PRUNE2: variants seen among roughly 807,000 people sequenced by gnomAD.
PRUNE2 encodes prune homolog 2 with BCH domain.
In PRUNE2, 164 loss-of-function variants were observed where a neutral mutation model predicts 252.0. The observed-to-expected ratio is 0.65, with a 90% CI of 0.57 to 0.74. The LOEUF is 0.74. PRUNE2 is among the 30% of genes least tolerant of loss of function. The pLI, the probability that PRUNE2 is intolerant of heterozygous loss-of-function variation, is 0.00. For synonymous variants in PRUNE2, 1,292 were observed against 1,350.2 expected (o/e 0.96, Z 0.94); for missense variants, 3,495 against 3,711.0 (o/e 0.94, Z 1.51).
At chr9:76,629,484 T>C (rs1353835145) in intron 15 of PRUNE2, among the ~76,000 whole-genome samples, 194 bp from the exon 16 acceptor site, 1 of 152,170 alleles carries the variant, frequency 6.6e-6, no homozygotes, top group Non-Finnish European at 1.5e-5. Flanking sequence ...TTTTATTCTG[T>C]TTTTAAAATT....
intron 9 of PRUNE2, among the ~76,000 whole-genome samples, chr9:76,694,706 T>G (rs1053442359): frequency 4.9e-4 from 74 of 152,308 alleles, no homozygotes; most frequent in African/African-American, 1.7e-3. Flanking sequence ...TAACTCAGAG[T>G]ATGCTGGGCA....
intron 15 of PRUNE2, among the ~76,000 whole-genome samples, chr9:76,630,962 A>G (rs1284613982): frequency 6.6e-6 from 1 of 152,234 alleles, no homozygotes; most frequent in East Asian, 1.9e-4. Context: ...CATCTGTATT[A>G]CCTTGTGTTC....
intron 6 of PRUNE2, among the ~76,000 whole-genome samples, chr9:76,745,509 T>A (rs1453300301): frequency 6.6e-6 from 1 of 151,770 alleles, no homozygotes; most frequent in Admixed American, 6.6e-5. Context: ...CAACCACTCC[T>A]GTGGCCCCAC....
At chr9:76,618,864 G>A (rs1475246558) in intron 18 of PRUNE2, among the ~76,000 whole-genome samples, 1 of 152,182 alleles carries the variant, frequency 6.6e-6, no homozygotes, top group African/African-American at 2.4e-5. Flanking sequence ...TCCAATTTCT[G>A]CTTCTCACAG....
At chr9:76,778,087 G>A (rs994706637) in intron 6 of PRUNE2, among the ~76,000 whole-genome samples, 4 of 152,164 alleles carry the variant, frequency 2.6e-5, no homozygotes, top group African/African-American at 9.7e-5. Flanking sequence ...TTATTCTAAG[G>A]AGCTTTTAAA....
At chr9:76,670,709 A>ACGGG (rs1477788317) in intron 9 of PRUNE2, among the ~76,000 whole-genome samples, 3 of 151,932 alleles carry the variant, frequency 2.0e-5, no homozygotes, top group Non-Finnish European at 4.4e-5. Flanking sequence ...AGATCTGAGA[A>ACGGG]CAGGCAGACT....
At chr9:76,901,842 C>T (rs562245008) in intron 1 of PRUNE2, among the ~76,000 whole-genome samples, 1 of 152,338 alleles carries the variant, frequency 6.6e-6, no homozygotes, top group Non-Finnish European at 1.5e-5. Flanking sequence ...GATGCATCCC[C>T]TGGACTGCAG....
At chr9:76,680,987 T>G (rs947507189) in intron 9 of PRUNE2, among the ~76,000 whole-genome samples, 1 of 152,092 alleles carries the variant, frequency 6.6e-6, no homozygotes, top group African/African-American at 2.4e-5. Context: ...GAGATTATAA[T>G]TCAAGATGAG....
intron 3 of PRUNE2, among the ~76,000 whole-genome samples, chr9:76,848,470 C>A (rs1174814634): frequency 6.6e-6 from 1 of 152,112 alleles, no homozygotes; most frequent in Non-Finnish European, 1.5e-5. Context: ...TTTCAAAACT[C>A]CTCATAAGTA....
At chr9:76,738,229 C>T (rs552561680) in intron 6 of PRUNE2, 2 of 152,158 alleles carry the variant, frequency 1.3e-5, no homozygotes, top group Non-Finnish European at 2.9e-5. Flanking sequence ...TAAACATTAG[C>T]GAGCAACCGA....
chr9:76,886,621 C>G (rs529981499), intron 1 of PRUNE2, among the ~76,000 whole-genome samples: 7 of 152,176 alleles, frequency 4.6e-5, no homozygotes, highest in Non-Finnish European at 1.0e-4. Context: ...AAACAAGCCC[C>G]AAATGCACTG....
intron 9 of PRUNE2, among the ~76,000 whole-genome samples, chr9:76,658,302 G>A (rs998256928): frequency 6.6e-5 from 10 of 152,284 alleles, no homozygotes; most frequent in Admixed American, 4.6e-4. Context: ...AGGTTGTGGT[G>A]AGCTGAGATG....
chr9:76,821,532 G>C (rs1216065775), intron 6 of PRUNE2, among the ~76,000 whole-genome samples: 1 of 152,100 alleles, frequency 6.6e-6, no homozygotes, highest in African/African-American at 2.4e-5. Flanking sequence ...GGAAGATACA[G>C]GATGTTACTA....
intron 4 of PRUNE2, among the ~76,000 whole-genome samples, chr9:76,835,526 A>G (rs116191919): frequency 1.3e-5 from 2 of 152,212 alleles, no homozygotes; most frequent in Non-Finnish European, 2.9e-5. Flanking sequence ...AAGAATAAAG[A>G]TTATCTTTGT....
chr9:76,789,859 A>G (rs1042402395), intron 6 of PRUNE2, among the ~76,000 whole-genome samples: 4 of 152,122 alleles, frequency 2.6e-5, no homozygotes, highest in African/African-American at 9.7e-5. Context: ...GATGCATCAG[A>G]TATGGAGGGG....
At chr9:76,805,464 T>C (rs556341856) in intron 6 of PRUNE2, among the ~76,000 whole-genome samples, 1 of 151,716 alleles carries the variant, frequency 6.6e-6, no homozygotes, top group South Asian at 2.1e-4. Context: ...CTACAAATAA[T>C]TTTTTTTTAA....
chr9:76,694,836 G>A (rs1033634292), intron 9 of PRUNE2, among the ~76,000 whole-genome samples: 4 of 151,892 alleles, frequency 2.6e-5, no homozygotes, highest in Non-Finnish European at 4.4e-5. Flanking sequence ...AAAAGGGCAC[G>A]TAGATGTCAA....
rs1292804824 is a variant in PRUNE2, at chr9:76,707,586, T to G, written c.4688A>C (p.Gln1563Pro). The G allele has an allele frequency of 1.2e-6, 2 of 1,613,822 alleles. No homozygotes were observed. Among genetic ancestry groups the G allele is most frequent in the Non-Finnish European group, 1.7e-6 (2 of 1,179,890 alleles). ...SSVALSSWGQ[Q>P]PSSGYQEENQ... Reference sequence around the variant, plus strand: ...TTCTTCTTGATACCCAGAACTGGGTTGCTGGCCCCAGGAGGACAGTGCAAC... The same window carrying G: ...TTCTTCTTGATACCCAGAACTGGGTGGCTGGCCCCAGGAGGACAGTGCAAC... Residue 1563 changes from glutamine to proline, a missense_variant, in exon 8 of 19, where the codon CAA becomes CCA. By Grantham distance (76) the Gln-to-Pro change is moderately conservative (BLOSUM62 -1). Coordinates refer to ENST00000376718, the MANE Select transcript of PRUNE2 (RefSeq NM_015225.3).
intron 4 of PRUNE2, among the ~76,000 whole-genome samples, chr9:76,845,257 C>T (rs1189618317): frequency 6.6e-6 from 1 of 152,150 alleles, no homozygotes; most frequent in Non-Finnish European, 1.5e-5. Context: ...TGCTTACTGA[C>T]TACATTTCTT....
Sources: allele counts gnomAD v4.1 joint callset (sites outside exome capture counted in the v4.1 genomes callset), GRCh38; gene constraint gnomAD v4.1.1; transcripts MANE v1.5; gene names NCBI Gene and HGNC (gene_info 2026-07-23, HGNC 2026-07-21).